NCALD: variants seen among roughly 807,000 people sequenced by gnomAD.
NCALD encodes neurocalcin delta.
A neutral mutation model predicts 18.6 loss-of-function variants in NCALD; 10 were observed. That is an observed-to-expected ratio of 0.54 (90% CI 0.33 to 0.91). The LOEUF (loss-of-function observed/expected upper bound fraction) is 0.91. Ranked by LOEUF, NCALD falls within the 40% of genes least tolerant of loss-of-function variation. The probability of loss-of-function intolerance (pLI) is 0.03; values close to 1 mark genes in which losing one functional copy is unlikely to be tolerated. For missense variants in NCALD, 184 were observed against 247.6 expected, an observed-to-expected ratio of 0.74 and a Z score of 1.72; for synonymous variants, 88 against 87.4, an observed-to-expected ratio of 1.01 and a Z score of -0.04.
chr8:101,980,211 C>G (rs946656395), intron 2 of NCALD, among the ~76,000 whole-genome samples: 3 of 152,204 alleles, frequency 2.0e-5, no homozygotes, highest in Non-Finnish European at 4.4e-5. Flanking sequence ...CAAAACCCCA[C>G]TCCCCATCTT....
intron 1 of NCALD, among the ~76,000 whole-genome samples, chr8:102,119,143 C>T (rs1294714402): frequency 2.6e-5 from 4 of 152,124 alleles, no homozygotes; most frequent in Non-Finnish European, 4.4e-5. Context: ...GCAGTGTTTT[C>T]ACAGTAGCCA....
chr8:102,065,261 T>A (rs544631648), intron 1 of NCALD, among the ~76,000 whole-genome samples: 21 of 151,950 alleles, frequency 1.4e-4, no homozygotes, highest in African/African-American at 4.6e-4. Context: ...AGGCTCTTTT[T>A]TTTTTCATAT....
intron 1 of NCALD, among the ~76,000 whole-genome samples, chr8:101,754,371 C>A (rs1206033753): frequency 6.6e-6 from 1 of 152,062 alleles, no homozygotes; most frequent in Non-Finnish European, 1.5e-5. Flanking sequence ...AACAAGATGT[C>A]ATAAACTGGG....
intron 4 of NCALD, among the ~76,000 whole-genome samples, chr8:101,804,544 A>AT (rs1221151647): frequency 8.0e-6 from 1 of 124,674 alleles, no homozygotes; most frequent in African/African-American, 3.6e-5. Flanking sequence ...TATATAATTA[A>AT]TATAATTGAT....
At chr8:101,866,886 T>C (rs960169926) in intron 4 of NCALD, among the ~76,000 whole-genome samples, 1 of 152,196 alleles carries the variant, frequency 6.6e-6, no homozygotes. Context: ...AGTCAGAGCA[T>C]GTCACTTCTC....
At chr8:101,933,487 G>A (rs575774044) in intron 2 of NCALD, among the ~76,000 whole-genome samples, 101 of 152,304 alleles carry the variant, frequency 6.6e-4, no homozygotes, top group Middle Eastern at 3.4e-3. Context: ...CAGTAAGACT[G>A]ATTTCAGACT....
At chr8:102,069,421 G>A (rs1455490932) in intron 1 of NCALD, among the ~76,000 whole-genome samples, 2 of 152,270 alleles carry the variant, frequency 1.3e-5, no homozygotes, top group Middle Eastern at 6.8e-3. Flanking sequence ...CTCTTGATTT[G>A]ATGCTGATGA....
chr8:101,762,543 A>G (rs1044801061), intron 1 of NCALD, among the ~76,000 whole-genome samples: 14 of 152,004 alleles, frequency 9.2e-5, no homozygotes, highest in African/African-American at 3.4e-4. Context: ...AAACATGATT[A>G]TATAAATCAG....
intron 1 of NCALD, among the ~76,000 whole-genome samples, chr8:102,067,059 A>G (rs534199680): frequency 6.6e-6 from 1 of 152,374 alleles, no homozygotes; most frequent in African/African-American, 2.4e-5. Context: ...GACTGAAAGA[A>G]ATCTTTCAGA....
chr8:102,042,078 T>G lies in NCALD; in HGVS notation c.-209-21789A>C, dbSNP rs150285277. Among the ~76,000 whole-genome samples, 42 of 152,094 alleles carry G rather than the reference T, an allele frequency of 2.8e-4. 1 individual carries two copies. The East Asian group carries it at 7.9e-3, about 29-fold the overall frequency. ...GCCCTAGCAAAGCTTGGTCTAGGCC[T>G]AACAGTACACACAGTCCTCAAAGAG... On this transcript the variant is annotated intron_variant, in intron 1 of 6. Transcript: ENST00000311028.
chr8:102,051,130 T>C (rs998819193), intron 1 of NCALD, among the ~76,000 whole-genome samples: 2 of 152,070 alleles, frequency 1.3e-5, no homozygotes, highest in African/African-American at 4.8e-5. Flanking sequence ...CAACCCCCAA[T>C]AGTGTCCTTT....
At chr8:101,690,058 T>A (rs1814650269) in intron 3 of NCALD, among the ~76,000 whole-genome samples, 1 of 152,104 alleles carries the variant, frequency 6.6e-6, no homozygotes, top group African/African-American at 2.4e-5. Context: ...GTTAGGGTGC[T>A]CTCCTGCTAC....
intron 2 of NCALD, among the ~76,000 whole-genome samples, chr8:101,963,017 T>G (rs957985184): frequency 2.6e-5 from 4 of 152,138 alleles, no homozygotes; most frequent in African/African-American, 9.7e-5. Flanking sequence ...ATTCATACCT[T>G]TTGCCAATTT....
intron 2 of NCALD, among the ~76,000 whole-genome samples, chr8:102,003,006 A>C (rs1371633185): frequency 6.6e-6 from 1 of 152,190 alleles, no homozygotes; most frequent in Non-Finnish European, 1.5e-5. Flanking sequence ...AAGCTAGCAG[A>C]AGGCAAGAAG....
intron 2 of NCALD, among the ~76,000 whole-genome samples, chr8:101,999,451 T>C (rs1235678757): frequency 6.6e-6 from 1 of 152,096 alleles, no homozygotes; most frequent in Non-Finnish European, 1.5e-5. Context: ...TTCTCACGCG[T>C]AATTGGGAGC....
chr8:101,817,530 T>A (rs1658881376), intron 4 of NCALD, among the ~76,000 whole-genome samples: 1 of 151,014 alleles, frequency 6.6e-6, no homozygotes, highest in African/African-American at 2.4e-5. Flanking sequence ...GTGCCCAGAA[T>A]AAAATGTAGT....
intron 2 of NCALD, among the ~76,000 whole-genome samples, chr8:101,702,507 G>C (rs113773502): frequency 9.4e-4 from 143 of 152,208 alleles, no homozygotes; most frequent in African/African-American, 3.4e-3. Context: ...GGAAATTACA[G>C]GTGTGAGCCA....
intron 2 of NCALD, among the ~76,000 whole-genome samples, chr8:101,708,840 C>T (rs376940884): frequency 9.2e-5 from 14 of 152,212 alleles, no homozygotes; most frequent in South Asian, 2.1e-4. Context: ...TCAGTGACAC[C>T]GCTGTGTTTG....
intron 1 of NCALD, among the ~76,000 whole-genome samples, chr8:102,046,238 G>A (rs1478479727): frequency 6.6e-6 from 1 of 152,126 alleles, no homozygotes; most frequent in Non-Finnish European, 1.5e-5. Flanking sequence ...AAAAAACTCA[G>A]CCTGTTGCCA....
Sources: allele counts gnomAD v4.1 joint callset (sites outside exome capture counted in the v4.1 genomes callset), GRCh38; gene constraint gnomAD v4.1.1; transcripts MANE v1.5; gene names NCBI Gene and HGNC (gene_info 2026-07-23, HGNC 2026-07-21).